Variants in CTPS2 observed in about 807,000 individuals in gnomAD.
The protein encoded by CTPS2 is CTP synthase II.
CTPS2 carries 19 observed loss-of-function variants against 46.8 expected under a neutral mutation model. That is an observed-to-expected ratio of 0.41 (90% CI 0.28 to 0.60). The LOEUF (loss-of-function observed/expected upper bound fraction) is 0.60, where lower values mean the gene tolerates loss of function less well. CTPS2 is among the 20% of genes least tolerant of loss of function. CTPS2 has a pLI of 0.35. For missense variants in CTPS2, 286 were observed against 447.6 expected, an observed-to-expected ratio of 0.64 and a Z score of 3.26; for synonymous variants, 151 against 165.2, an observed-to-expected ratio of 0.91 and a Z score of 0.66.
At chrX:16,684,124 G>A (rs1472936692) in intron 8 of CTPS2, among the ~76,000 whole-genome samples, 1 of 111,674 alleles carries the variant, frequency 9.0e-6, no homozygotes, top group Non-Finnish European at 1.9e-5. Flanking sequence ...TCTTGGGGCT[G>A]AAGGTGTTTT....
chrX:16,653,252 G>A (rs1932735289), intron 13 of CTPS2, among the ~76,000 whole-genome samples: 3 of 110,954 alleles, frequency 2.7e-5, no homozygotes, highest in Admixed American at 9.7e-5. Context: ...TTTTATGGTA[G>A]AGACAAAAAT....
At chrX:16,607,873 G>A (rs184251053) in intron 17 of CTPS2, among the ~76,000 whole-genome samples, 38 of 113,132 alleles carry the variant, frequency 3.4e-4, no homozygotes, top group Admixed American at 1.1e-3. Context: ...ATCCTTGGAT[G>A]AGAAGAAAGA....
chrX:16,650,803 G>A (rs1296797703), intron 13 of CTPS2, among the ~76,000 whole-genome samples: 1 of 110,402 alleles, frequency 9.1e-6, no homozygotes, highest in African/African-American at 3.3e-5. Context: ...GAGCTACCGT[G>A]CCTGGCCTAA....
At chrX:16,705,289 GCTGACTGA>G (rs895493202) in intron 1 of CTPS2, among the ~76,000 whole-genome samples, 1 of 112,272 alleles carries the variant, frequency 8.9e-6, no homozygotes, top group African/African-American at 3.2e-5. Context: ...GCTCACAGAT[GCTGACTGA>G]CTGAGTCCTG....
At chrX:16,692,996 G>A (rs1923819716) in intron 6 of CTPS2, 145 bp downstream of exon 6, 2 of 449,953 alleles carry the variant, frequency 4.4e-6, no homozygotes, top group East Asian at 3.7e-5. Flanking sequence ...GGCGGAGGTT[G>A]CAATGAGCCA....
intron 6 of CTPS2, among the ~76,000 whole-genome samples, chrX:16,692,301 C>T (rs1056868626): frequency 9.1e-6 from 1 of 110,268 alleles, no homozygotes; most frequent in African/African-American, 3.3e-5. Context: ...CACACACACA[C>T]ACACACCACA....
intron 9 of CTPS2, among the ~76,000 whole-genome samples, chrX:16,678,878 T>A (rs753658146): frequency 6.6e-5 from 7 of 106,808 alleles, no homozygotes; most frequent in Admixed American, 6.1e-4. Context: ...AAAAAAAATT[T>A]AAAAAAAAAG....
intron 10 of CTPS2, among the ~76,000 whole-genome samples, chrX:16,673,423 G>T (rs758201212): frequency 9.9e-5 from 11 of 111,272 alleles, no homozygotes; most frequent in African/African-American, 2.9e-4. Flanking sequence ...TTGCAACCAT[G>T]TGGCAGTACT....
intron 8 of CTPS2, among the ~76,000 whole-genome samples, chrX:16,686,413 C>T (rs1425208013): frequency 3.1e-5 from 1 of 31,892 alleles, no homozygotes; most frequent in African/African-American, 6.7e-4. Flanking sequence ...TGAATGGTGG[C>T]CCCCCCCCAA....
At chrX:16,645,884 C>A (rs1932295904) in intron 13 of CTPS2, among the ~76,000 whole-genome samples, 2 of 112,799 alleles carry the variant, frequency 1.8e-5, no homozygotes, top group South Asian at 7.2e-4. Context: ...CCTTCCCTCT[C>A]TCTCACCCAT....
At position 16,703,022 on chromosome X, in the gene CTPS2, A is replaced by ATT. The variant is rs759725248; in HGVS notation, c.-39-83_-39-82dup. On this transcript the variant is annotated intron_variant, in intron 1 of 18. Coordinates refer to ENST00000359276, the MANE Select transcript of CTPS2 (RefSeq NM_175859.3). ...CAGACAGTGTATTCAACCAGAATTA[A>ATT]TTTTTTTTTTTTTTTTTTTTAGACA... 7.1e-3 allele frequency: 3,140 copies of ATT among 443,451 alleles called. 22 individuals carry two copies. Among genetic ancestry groups the ATT allele is most frequent in the African/African-American group, 0.036 (1,269 of 35,184 alleles). The allele number at this position is 443,451 out of a possible 1,213,427, so 36.5% of individuals were successfully genotyped here.
At position 16,672,634 on chromosome X, in the gene CTPS2, G is replaced by A. The variant is rs182687938; in HGVS notation, c.1095-1960C>T. ...ACATATTTTGCTCTGGCCAGAACAG[G>A]AAAAGATAATTTTCCTTTGTGTTAC... On this transcript the variant is annotated intron_variant, in intron 10 of 18. Transcript: ENST00000359276. Among the ~76,000 whole-genome samples, 304 of 111,127 alleles carry A rather than the reference G, an allele frequency of 2.7e-3. 5 individuals carry two copies. The highest frequency in any genetic ancestry group is 0.018 in the Middle Eastern group (4 of 217).
At chrX:16,599,631 C>G (rs373050914) in intron 17 of CTPS2, among the ~76,000 whole-genome samples, 3 of 109,893 alleles carry the variant, frequency 2.7e-5, no homozygotes, top group East Asian at 2.9e-4. Flanking sequence ...CATGTGCCAC[C>G]ACGTCTGGCT....
In CTPS2 at chrX:16,588,091, C is replaced by T. The variant is rs757285209; in HGVS notation, c.*1726G>A. ...CAACATGGGTAAACCTTGCAAACGC[C>T]ATGCTAAATGGAAGCCTGACTGACC... On this transcript the variant is annotated 3_prime_UTR_variant, in exon 19 of 19. Transcript: ENST00000359276. 3 of 112,034 alleles carry T rather than the reference C, an allele frequency of 2.7e-5. No individual in the cohort carries two copies. The highest frequency in any genetic ancestry group is 2.8e-4 in the East Asian group (1 of 3,564). 9.2% of individuals were successfully genotyped at this position (112,034 alleles called of 1,213,427 possible).
chrX:16,597,802 G>A (rs1473396219), intron 17 of CTPS2, among the ~76,000 whole-genome samples: 2 of 109,267 alleles, frequency 1.8e-5, no homozygotes, highest in Middle Eastern at 4.8e-3. Context: ...CCATTTTCAC[G>A]ATATTGATTC....
chrX:16,662,033 T>C (rs1285052846), intron 13 of CTPS2, among the ~76,000 whole-genome samples: 2 of 109,233 alleles, frequency 1.8e-5, no homozygotes, highest in African/African-American at 6.7e-5. Flanking sequence ...GCTGAAAATA[T>C]TCAAAATATA....
chrX:16,621,422 G>A lies in CTPS2; in HGVS notation c.1394-1090C>T, dbSNP rs1165600534. ...CCTATGTAACAAACCTGCACATTGT[G>A]CACATGTACCCTAGAACTTAAAGTA... On this transcript the variant is annotated intron_variant, in intron 14 of 18. Transcript: ENST00000359276. Among the ~76,000 whole-genome samples the A allele has an allele frequency of 1.1e-4, 12 of 106,791 alleles. No individual in the cohort carries two copies. The Admixed American group carries it at 1.2e-3, about 11-fold the overall frequency. The allele number at this position is 106,791 out of a possible 115,157, so 92.7% of individuals were successfully genotyped here.
In CTPS2 at chrX:16,687,615, T is replaced by C. The variant is rs1236211160; in HGVS notation, c.872+1835A>G. Among the ~76,000 whole-genome samples the C allele has an allele frequency of 3.6e-5, 4 of 111,790 alleles. No individual in the cohort carries two copies. The East Asian group carries it at 1.1e-3, about 31-fold the overall frequency. On this transcript the variant is annotated intron_variant, in intron 8 of 18. Coordinates refer to ENST00000359276, the MANE Select transcript of CTPS2 (RefSeq NM_175859.3). Reference sequence around the variant, plus strand: ...TAAAGTGTATCAGCCCCAAGCTACTTAGAAAATTCCTGTGAAATGACTGGC... The same window carrying C: ...TAAAGTGTATCAGCCCCAAGCTACTCAGAAAATTCCTGTGAAATGACTGGC...
chrX:16,670,581 C>T lies in CTPS2; in HGVS notation c.1188G>A (p.Leu396=), dbSNP rs1243435531. ...SWARTKKIPF[L]GVCLGMQLAV... ...AGGGTCAATAAACATGAGTTTTACC[C>T]AGAAAAGGAATCTTCTTTGTCCTTG... The change falls in exon 11 of 19, where the codon CTG becomes CTA. Residue 396 remains leucine, a splice_region_variant and synonymous_variant. Coordinates refer to ENST00000359276, the MANE Select transcript of CTPS2 (RefSeq NM_175859.3). 3.3e-6 allele frequency: 4 copies of T among 1,196,317 alleles called. No homozygotes were observed. The Admixed American group carries it at 9.0e-5, about 27-fold the overall frequency.
Sources: allele counts gnomAD v4.1 joint callset (sites outside exome capture counted in the v4.1 genomes callset), GRCh38; gene constraint gnomAD v4.1.1; transcripts MANE v1.5; gene names NCBI Gene and HGNC (gene_info 2026-07-23, HGNC 2026-07-21).